RGS6: variants seen among roughly 807,000 people sequenced by gnomAD.
RGS6 encodes regulator of G-protein signaling 6.
In RGS6, 30 loss-of-function variants were observed where a neutral mutation model predicts 78.5. That is an observed-to-expected ratio of 0.38 (90% CI 0.29 to 0.52). RGS6 has a LOEUF of 0.52. Ranked by LOEUF, RGS6 falls within the 20% of genes least tolerant of loss-of-function variation. The pLI is 0.85. For synonymous variants in RGS6, 206 were observed against 206.0 expected (o/e 1.00, Z 0.00); for missense variants, 495 against 609.7 (o/e 0.81, Z 1.98).
At chr14:72,121,562 G>A (rs975071081) in intron 2 of RGS6, among the ~76,000 whole-genome samples, 1 of 152,164 alleles carries the variant, frequency 6.6e-6, no homozygotes, top group Non-Finnish European at 1.5e-5. Flanking sequence ...GTATATATAT[G>A]AAAAGCATCG....
the RGS6 span, among the ~76,000 whole-genome samples, chr14:72,625,780 A>C: frequency 6.6e-6 from 1 of 152,212 alleles, no homozygotes; most frequent in Non-Finnish European, 1.5e-5. Flanking sequence ...ATGAATTCAT[A>C]GTGATACCCA....
rs549561369 is a variant in RGS6 at position 72,084,935 on chromosome 14, T to G, written c.84+120060T>G. The stretch of plus-strand genomic sequence containing the variant: ...CCTTTCTGTGAGGACAATGTGTTTG[T>G]GCGTTTGGTGCTTAAGCTTCAATCC... On this transcript the variant is annotated intron_variant, in intron 2 of 17. Coordinates refer to ENST00000553525, the MANE Select transcript of RGS6 (RefSeq NM_001204424.2). 4.6e-5 allele frequency among the ~76,000 whole-genome samples: 7 copies of G among 152,292 alleles called. No individual in the cohort carries two copies. The East Asian group carries it at 1.4e-3, about 29-fold the overall frequency.
chr14:72,428,829 G>A (rs1404799763), intron 3 of RGS6, among the ~76,000 whole-genome samples: 1 of 152,192 alleles, frequency 6.6e-6, no homozygotes, highest in Non-Finnish European at 1.5e-5. Flanking sequence ...TTTTTCCTAA[G>A]TCAGTGGTTG....
chr14:72,606,811 T>G, the RGS6 span, among the ~76,000 whole-genome samples: 9 of 152,300 alleles, frequency 5.9e-5, no homozygotes, highest in Non-Finnish European at 1.3e-4. Flanking sequence ...ACTGAGTTCT[T>G]GTTCTATTGG....
intron 6 of RGS6, among the ~76,000 whole-genome samples, chr14:72,465,550 C>CTGGATGGATGGATGGATGGATGGATGGA (rs563552344): frequency 9.1e-6 from 1 of 110,308 alleles, no homozygotes; most frequent in Non-Finnish European, 1.8e-5. Flanking sequence ...GGCGGGCTGT[C>CTGGATGGATGGATGGATGGATGGATGGA]TGGATGGATG....
chr14:72,547,272 T>G (rs1598986235), intron 17 of RGS6: 1 of 1,535,480 alleles, frequency 6.5e-7, no homozygotes, highest in Non-Finnish European at 8.7e-7. Flanking sequence ...AATGTCACGG[T>G]CAAGGAGAGG....
chr14:72,629,857 G>A, the RGS6 span: 1 of 789,210 alleles, frequency 1.3e-6, no homozygotes, highest in Admixed American at 2.3e-5. Context: ...ATGACGTAGG[G>A]AAAAAAATGG....
chr14:72,142,214 A>G (rs2096549569), intron 2 of RGS6, among the ~76,000 whole-genome samples: 1 of 152,158 alleles, frequency 6.6e-6, no homozygotes. Flanking sequence ...CTGGTTGGAT[A>G]GCACTGTAAT....
intron 2 of RGS6, among the ~76,000 whole-genome samples, chr14:72,268,446 T>G (rs2059408132): frequency 6.6e-6 from 1 of 152,318 alleles, no homozygotes; most frequent in Non-Finnish European, 1.5e-5. Context: ...ACTTCCTCCC[T>G]TGGGAGGTGT....
intron 1 of RGS6, among the ~76,000 whole-genome samples, chr14:71,936,478 C>T (rs1356774743): frequency 6.6e-6 from 1 of 152,144 alleles, no homozygotes; most frequent in Non-Finnish European, 1.5e-5. Flanking sequence ...CTCTGTATCT[C>T]TCAATGCAAT....
At chr14:72,313,130 A>G (rs765548939) in intron 2 of RGS6, among the ~76,000 whole-genome samples, 27 of 152,294 alleles carry the variant, frequency 1.8e-4, no homozygotes, top group African/African-American at 6.0e-4. Flanking sequence ...GTGTCTCAAC[A>G]TCTTCAGTTG....
chr14:71,925,976 A>C, the RGS6 span, among the ~76,000 whole-genome samples: 1 of 152,184 alleles, frequency 6.6e-6, no homozygotes, highest in African/African-American at 2.4e-5. Context: ...AGATCTGTAC[A>C]TAGAAAACTA....
chr14:72,039,902 T>C (rs1193215775), intron 2 of RGS6, among the ~76,000 whole-genome samples: 1 of 150,866 alleles, frequency 6.6e-6, no homozygotes. Flanking sequence ...TTGCGGTTGC[T>C]ATGGAGATTA....
At chr14:72,568,702 C>A (rs1396332510), downstream of RGS6, among the ~76,000 whole-genome samples, 1 of 152,206 alleles carries the variant, frequency 6.6e-6, no homozygotes, top group Non-Finnish European at 1.5e-5. Flanking sequence ...CCATCTAGAT[C>A]CCCGTTTGTC....
intron 3 of RGS6, among the ~76,000 whole-genome samples, chr14:72,361,006 C>T (rs559825952): frequency 4.6e-5 from 7 of 151,840 alleles, no homozygotes; most frequent in Non-Finnish European, 7.4e-5. Flanking sequence ...TTAAGACATG[C>T]GTGCTTCCCT....
the RGS6 span, among the ~76,000 whole-genome samples, chr14:71,904,249 C>T: frequency 6.6e-6 from 1 of 152,124 alleles, no homozygotes; most frequent in East Asian, 1.9e-4. Context: ...CCTTTGCCTC[C>T]TCCCTCCCCC....
Position 71,978,941 on chromosome 14 carries a change from T to A in RGS6, c.84+14066T>A, listed in dbSNP as rs914642553. 2.1e-5 allele frequency among the ~76,000 whole-genome samples: 3 copies of A among 145,916 alleles called. No individual in the cohort carries two copies. The East Asian group carries it at 6.5e-4, about 32-fold the overall frequency. On this transcript the variant is annotated intron_variant, in intron 2 of 17. Coordinates refer to ENST00000553525, the MANE Select transcript of RGS6 (RefSeq NM_001204424.2). ...TATTGATTATTGCCACAATTTCAGATCCTGTTATTGGTCTATTCAGAGATT... is the reference window on the plus strand; with the variant it reads ...TATTGATTATTGCCACAATTTCAGAACCTGTTATTGGTCTATTCAGAGATT...
In RGS6 at chr14:72,410,231, T is replaced by C. The variant is rs1315576259; in HGVS notation, c.185-44297T>C. ...CACATCCTCTCCAGCACCTGTTGTT[T>C]CCTGACTTTTTAATGATTGCCATTC... On this transcript the variant is annotated intron_variant, in intron 3 of 17. Coordinates refer to ENST00000553525, the MANE Select transcript of RGS6 (RefSeq NM_001204424.2). 7.9e-5 allele frequency among the ~76,000 whole-genome samples: 12 copies of C among 152,184 alleles called. No homozygotes were observed. In the East Asian group the frequency reaches 2.3e-3, roughly 29 times the overall value.
At chr14:72,203,041 A>C (rs973805075) in intron 2 of RGS6, among the ~76,000 whole-genome samples, 20 of 151,912 alleles carry the variant, frequency 1.3e-4, no homozygotes, top group African/African-American at 4.6e-4. Flanking sequence ...CACCCGGCTA[A>C]TTTTTTGTAT....
Sources: allele counts gnomAD v4.1 joint callset (sites outside exome capture counted in the v4.1 genomes callset), GRCh38; gene constraint gnomAD v4.1.1; transcripts MANE v1.5; gene names NCBI Gene and HGNC (gene_info 2026-07-23, HGNC 2026-07-21).